TEKT1: variants seen among roughly 807,000 people sequenced by gnomAD.
TEKT1 encodes the protein tektin 1.
In TEKT1, 32 loss-of-function variants were observed where a neutral mutation model predicts 34.8. The observed-to-expected ratio is 0.92, with a 90% CI of 0.69 to 1.23. The LOEUF is 1.23. TEKT1 is among the 50% of genes most tolerant of loss of function. TEKT1 has a pLI of 0.00. For synonymous variants in TEKT1, 207 were observed against 199.8 expected (o/e 1.04, Z -0.30); for missense variants, 492 against 518.5 (o/e 0.95, Z 0.50).
At position 6,798,342 on chromosome 17, in the gene TEKT1, G is replaced by A. The variant is rs554332185; in HGVS notation, c.*1685C>T. On this transcript the variant is annotated 3_prime_UTR_variant, in exon 8 of 8. Transcript: ENST00000338694. ...CTGCCTCTGAGAGCTGTATTCACAA[G>A]GAAGGATTTTGCCCAGTGTCTTCAC... is the stretch of plus-strand genomic sequence containing the variant. 6.6e-6 allele frequency: 1 copy of A among 152,380 alleles called. No homozygotes were observed. The highest frequency in any genetic ancestry group is 1.9e-4 in the East Asian group (1 of 5,176). 9.4% of individuals were successfully genotyped at this position (152,380 alleles called of 1,614,324 possible). A position where few individuals can be genotyped will look rare whatever the true frequency, so the allele number is the denominator to read the frequency against.
At chr17:6,815,451 T>C (rs1976992129) in intron 4 of TEKT1, 145 bp from the exon 5 acceptor site, 1 of 931,156 alleles carries the variant, frequency 1.1e-6, no homozygotes, top group Non-Finnish European at 1.7e-6. Flanking sequence ...CCAACACTCA[T>C]GCGTATACCA....
At chr17:6,812,758 G>C in intron 6 of TEKT1, 73 bp downstream of exon 6, 3 of 1,458,156 alleles carry the variant, frequency 2.1e-6, no homozygotes, top group Non-Finnish European at 2.8e-6. Context: ...GTCTGGCCCA[G>C]GGGGCATTCT....
At chr17:6,820,923 G>A (rs150601128) in intron 2 of TEKT1, among the ~76,000 whole-genome samples, 1,751 of 152,210 alleles carry the variant, frequency 0.012, 19 homozygotes, top group African/African-American at 0.03. Flanking sequence ...TTCTACCCTC[G>A]ACATTTCATT....
At position 6,800,961 on chromosome 17, in the gene TEKT1, A is replaced by C. The variant is rs1253511272; in HGVS notation, c.853-18T>G. 2 of 1,603,502 alleles carry C rather than the reference A, an allele frequency of 1.2e-6. No homozygotes were observed. The highest frequency in any genetic ancestry group is 1.7e-5 in the Admixed American group (1 of 59,196). On this transcript the variant is annotated intron_variant, in intron 6 of 7. Transcript: ENST00000338694. ...TCCATGACCTTACAAAAAGGATTAG[A>C]GTAGGTGAGGCCAAGCTGTGCTCCT...
chr17:6,802,273 T>C (rs1976784454), intron 6 of TEKT1, among the ~76,000 whole-genome samples: 1 of 152,186 alleles, frequency 6.6e-6, no homozygotes, highest in South Asian at 2.1e-4. Context: ...TTCACAGATA[T>C]ACTATTTTTA....
intron 2 of TEKT1, among the ~76,000 whole-genome samples, chr17:6,823,655 T>C (rs1335029453): frequency 9.2e-5 from 14 of 152,268 alleles, no homozygotes; most frequent in Admixed American, 9.2e-4. Context: ...TCACCTCTAC[T>C]GTGTACCCTC....
intron 3 of TEKT1, among the ~76,000 whole-genome samples, chr17:6,818,723 G>A (rs1977043082): frequency 1.3e-5 from 2 of 152,116 alleles, no homozygotes; most frequent in Non-Finnish European, 2.9e-5. Flanking sequence ...CCTACTTGCT[G>A]GAATGTAGAC....
chr17:6,827,837 C>A (rs1253723928), intron 2 of TEKT1, among the ~76,000 whole-genome samples: 2 of 152,012 alleles, frequency 1.3e-5, no homozygotes, highest in African/African-American at 4.8e-5. Context: ...ATATTTGATG[C>A]TTTTAATGCC....
intron 2 of TEKT1, 46 bp downstream of exon 2, chr17:6,830,141 G>T: frequency 6.4e-7 from 1 of 1,554,642 alleles, no homozygotes; most frequent in Non-Finnish European, 8.7e-7. Context: ...AAACTCAACA[G>T]CCTCATCCTA....
chr17:6,810,975 CA>C (rs1271932395), intron 6 of TEKT1, among the ~76,000 whole-genome samples: 1 of 152,186 alleles, frequency 6.6e-6, no homozygotes, highest in Non-Finnish European at 1.5e-5. Flanking sequence ...CCTGACCTCT[CA>C]GGTGATCCAC....
chr17:6,815,017 A>G, intron 5 of TEKT1, 146 bp downstream of exon 5: 1 of 962,234 alleles, frequency 1.0e-6, no homozygotes, highest in African/African-American at 1.6e-5. Context: ...TCTGGGCCCA[A>G]TGTCAAGGTC....
At chr17:6,830,415 T>G (rs777101231) in intron 1 of TEKT1, 22 bp from the exon 2 acceptor site, 2 of 1,474,434 alleles carry the variant, frequency 1.4e-6, no homozygotes, top group African/African-American at 2.9e-5. Context: ...CAGACTCTTT[T>G]AGATTAAATG....
At position 6,815,914 on chromosome 17, in the gene TEKT1, C is replaced by T. The variant is rs749360447; in HGVS notation, c.405G>A (p.Glu135=). The T allele has an allele frequency of 4.2e-5, 68 of 1,614,058 alleles. No individual in the cohort carries two copies. Among genetic ancestry groups the T allele is most frequent in the Middle Eastern group, 1.6e-4 (1 of 6,084 alleles). The change falls in exon 4 of 8, where the codon GAG becomes GAA. Residue 135 remains glutamate (E), a synonymous_variant. Transcript: ENST00000338694. The part of the protein sequence containing the change: ...IDLVHDTVEH[E]LIKEAEIIQG... ...GGATGATCTCAGCCTCCTTTATCAG[C>T]TCATGCTCCACTGTGTCGTGCACCA...
Position 6,830,236 on chromosome 17 carries a change from T to G in TEKT1, c.141A>C (p.Glu47Asp), listed in dbSNP as rs1415251613. ...GAGATTTTCTTGTGGTCTTTTCAAT[T>G]TCATCCACAAGCCTCTGGCTTTCTG... The part of the protein sequence containing the change: ...LVAESQRLVD[E>D]IEKTTRKSQS... Residue 47 changes from glutamate (E) to aspartate (D), a missense_variant, in exon 2 of 8, where the codon GAA (glutamate) becomes GAC (aspartate). Coordinates refer to ENST00000338694, the MANE Select transcript of TEKT1 (RefSeq NM_053285.2). 3.1e-6 allele frequency: 5 copies of G among 1,612,226 alleles called. No individual in the cohort carries two copies. In the East Asian group the frequency reaches 8.9e-5, roughly 29 times the overall value.
In TEKT1 at chr17:6,815,320, G is replaced by C; in HGVS notation, c.486-14C>G. 6.2e-7 allele frequency: 1 copy of C among 1,614,236 alleles called. No homozygotes were observed. ...GAGCGGTTCATCCTGAAGGGAGAAA[G>C]TAAACTGGGTTTCTGCCTCTGGAGT... is the stretch of plus-strand genomic sequence containing the variant. On this transcript the variant is annotated splice_polypyrimidine_tract_variant and intron_variant, in intron 4 of 7. Transcript: ENST00000338694.
In TEKT1 at chr17:6,815,425, C is replaced by T. The variant is rs1976991232; in HGVS notation, c.486-119G>A. 4 of 1,199,458 alleles carry T rather than the reference C, an allele frequency of 3.3e-6. No homozygotes were observed. In the South Asian group the frequency reaches 3.7e-5, roughly 11 times the overall value. 74.3% of individuals were successfully genotyped at this position (1,199,458 alleles called of 1,614,324 possible). On this transcript the variant is annotated intron_variant, in intron 4 of 7. Transcript: ENST00000338694. ...GGTCTGGTGCAGGATGATGGTACTG[C>T]CCCCCACCCATCACCCCAACACTCA...
At chr17:6,826,495 T>C (rs558688621) in intron 2 of TEKT1, among the ~76,000 whole-genome samples, 1 of 152,238 alleles carries the variant, frequency 6.6e-6, no homozygotes, top group Non-Finnish European at 1.5e-5. Flanking sequence ...ATGCTTCTTT[T>C]CAGGCCTGCT....
Position 6,800,915 on chromosome 17 carries a change from T to C in TEKT1, c.881A>G (p.Lys294Arg). ...KVMEEIASQE[K>R]NITALEKAIL... The stretch of plus-strand genomic sequence containing the variant: ...GGCCTTTTCAAGAGCTGTAATATTT[T>C]TCTCCTGGGAAGCAATCTCTTCCAT... Residue 294 changes from lysine to arginine, a missense_variant, in exon 7 of 8, where the codon AAA (lysine) becomes AGA (arginine). By Grantham distance (26) the Lys-to-Arg change is conservative. Coordinates refer to ENST00000338694, the MANE Select transcript of TEKT1 (RefSeq NM_053285.2). The C allele has an allele frequency of 1.2e-6, 2 of 1,613,974 alleles. No homozygotes were observed. Among genetic ancestry groups the C allele is most frequent in the Non-Finnish European group, 1.7e-6 (2 of 1,179,922 alleles).
intron 5 of TEKT1, among the ~76,000 whole-genome samples, chr17:6,813,946 T>TTCTCTCTCTC (rs71157224): frequency 0.017 from 2,472 of 145,918 alleles, 36 homozygotes; most frequent in African/African-American, 0.034. Flanking sequence ...CTGTCATCCG[T>TTCTCTCTCTC]TCTCTCTCTC....
Sources: allele counts gnomAD v4.1 joint callset (sites outside exome capture counted in the v4.1 genomes callset), GRCh38; gene constraint gnomAD v4.1.1; transcripts MANE v1.5; gene names NCBI Gene and HGNC (gene_info 2026-07-23, HGNC 2026-07-21).